The following ELMO1 variants were observed in gnomAD, a reference collection of about 807,000 sequenced individuals.
The protein encoded by ELMO1 is engulfment and cell motility 1.
A neutral mutation model predicts 98.9 loss-of-function variants in ELMO1; 26 were observed. The ratio of observed to expected loss-of-function variants is 0.26; its 90% CI spans 0.19 to 0.36. The LOEUF (loss-of-function observed/expected upper bound fraction) is 0.36, where lower values mean the gene tolerates loss of function less well. ELMO1 is among the 10% of genes least tolerant of loss of function. The probability of loss-of-function intolerance (pLI) is 1.00; values close to 1 mark genes in which losing one functional copy is unlikely to be tolerated. For synonymous variants in ELMO1, 346 were observed against 346.0 expected, an observed-to-expected ratio of 1.00 and a Z score of 0.00; for missense variants, 627 against 935.2, an observed-to-expected ratio of 0.67 and a Z score of 4.30.
intron 8 of ELMO1, among the ~76,000 whole-genome samples, chr7:37,230,760 G>A (rs951336786): frequency 1.3e-5 from 2 of 152,172 alleles, no homozygotes; most frequent in Admixed American, 1.3e-4. Context: ...TAAAATGTTT[G>A]TTAAGTATTA....
At chr7:37,127,618 A>C (rs1305368876) in intron 14 of ELMO1, among the ~76,000 whole-genome samples, 1 of 152,182 alleles carries the variant, frequency 6.6e-6, no homozygotes, top group Non-Finnish European at 1.5e-5. Flanking sequence ...CCAAACCCAC[A>C]CTAGGTATTC....
chr7:37,000,783 T>C (rs770250216), intron 16 of ELMO1, among the ~76,000 whole-genome samples: 7 of 152,068 alleles, frequency 4.6e-5, no homozygotes, highest in Non-Finnish European at 8.8e-5. Context: ...CTGATGTTAT[T>C]TTTCCCACTG....
chr7:37,002,145 T>C (rs1425707657), intron 16 of ELMO1: 1 of 152,008 alleles, frequency 6.6e-6, no homozygotes, highest in Non-Finnish European at 1.5e-5. Context: ...ATATATCTCA[T>C]TTTGGGACCT....
intron 15 of ELMO1, among the ~76,000 whole-genome samples, chr7:37,044,506 C>T (rs1416935808): frequency 6.6e-6 from 1 of 152,192 alleles, no homozygotes; most frequent in Non-Finnish European, 1.5e-5. Context: ...CACCATCTCA[C>T]TCGCCCAACA....
At chr7:37,140,382 T>A (rs1787553563) in intron 13 of ELMO1, among the ~76,000 whole-genome samples, 1 of 149,062 alleles carries the variant, frequency 6.7e-6, no homozygotes, top group African/African-American at 2.5e-5. Flanking sequence ...TGAGACTCCG[T>A]CTCAAAAAAA....
At chr7:37,121,517 G>C (rs1413284441) in intron 14 of ELMO1, among the ~76,000 whole-genome samples, 1 of 152,180 alleles carries the variant, frequency 6.6e-6, no homozygotes, top group Non-Finnish European at 1.5e-5. Context: ...CTGGAAGAAA[G>C]GGTATCAGCG....
intron 15 of ELMO1, among the ~76,000 whole-genome samples, chr7:37,021,844 A>G (rs2129179749): frequency 6.6e-6 from 1 of 152,322 alleles, no homozygotes; most frequent in Non-Finnish European, 1.5e-5. Flanking sequence ...AAAATGCCAA[A>G]TTTGGAAAAC....
chr7:36,907,262 T>G (rs1554353993), intron 16 of ELMO1, among the ~76,000 whole-genome samples: 1 of 152,170 alleles, frequency 6.6e-6, no homozygotes. Flanking sequence ...GATTAACTCT[T>G]ACTAACACAC....
chr7:37,255,022 C>T (rs1283229841), intron 6 of ELMO1, among the ~76,000 whole-genome samples: 1 of 152,170 alleles, frequency 6.6e-6, no homozygotes, highest in Non-Finnish European at 1.5e-5. Flanking sequence ...AGAATGTTGA[C>T]AAGGCACATA....
chr7:36,899,684 C>T lies in ELMO1; in HGVS notation c.1438-4667G>A, dbSNP rs200730146. Among the ~76,000 whole-genome samples the T allele has an allele frequency of 3.8e-3, 240 of 63,632 alleles. 2 individuals are homozygous for T. The highest frequency in any genetic ancestry group is 0.014 in the Middle Eastern group (1 of 70). The allele number at this position is 63,632 out of a possible 152,430, so 41.7% of individuals were successfully genotyped here. A position where few individuals can be genotyped will look rare whatever the true frequency, so the allele number is the denominator to read the frequency against. On this transcript the variant is annotated intron_variant, in intron 16 of 21. Transcript: ENST00000310758. Reference sequence around the variant, plus strand: ...ACTCATTTTTACTATCTTTACTCATCTTTTTTTTTTTTTTTTACCACTCCT... The same window carrying T: ...ACTCATTTTTACTATCTTTACTCATTTTTTTTTTTTTTTTTTACCACTCCT...
At chr7:36,984,372 T>C (rs1035118700) in intron 16 of ELMO1, among the ~76,000 whole-genome samples, 1 of 152,342 alleles carries the variant, frequency 6.6e-6, no homozygotes, top group East Asian at 1.9e-4. Context: ...CCTGATGCAT[T>C]GTCACCCGCA....
intron 17 of ELMO1, among the ~76,000 whole-genome samples, chr7:36,892,267 C>A (rs1021247886): frequency 6.6e-6 from 1 of 152,134 alleles, no homozygotes; most frequent in African/African-American, 2.4e-5. Flanking sequence ...GGTGGTCAGG[C>A]CCCAGCCAAG....
intron 16 of ELMO1, among the ~76,000 whole-genome samples, chr7:36,948,541 C>T (rs1322743644): frequency 1.3e-5 from 2 of 152,218 alleles, no homozygotes; most frequent in African/African-American, 2.4e-5. Context: ...GCTACTACCC[C>T]TCCACAGAGC....
At chr7:36,913,321 G>C (rs991272151) in intron 16 of ELMO1, among the ~76,000 whole-genome samples, 2 of 152,166 alleles carry the variant, frequency 1.3e-5, no homozygotes, top group South Asian at 4.1e-4. Flanking sequence ...TAGAGGAGAG[G>C]AATGTCAACA....
chr7:37,145,088 A>T (rs1396310839), intron 13 of ELMO1, among the ~76,000 whole-genome samples: 2 of 152,172 alleles, frequency 1.3e-5, no homozygotes, highest in Non-Finnish European at 2.9e-5. Context: ...AATTTCTTGG[A>T]GGACTTGTTA....
intron 16 of ELMO1, among the ~76,000 whole-genome samples, chr7:36,895,580 C>G (rs1805927732): frequency 6.6e-6 from 1 of 152,080 alleles, no homozygotes; most frequent in African/African-American, 2.4e-5. Context: ...CTCTTTGAGC[C>G]TGGCACTAAA....
chr7:37,366,761 C>T (rs1017994479), intron 1 of ELMO1, among the ~76,000 whole-genome samples: 1 of 152,164 alleles, frequency 6.6e-6, no homozygotes, highest in African/African-American at 2.4e-5. Context: ...TAGCATTCTC[C>T]GAACTCCTCT....
chr7:36,980,421 A>C (rs995379506), intron 16 of ELMO1, among the ~76,000 whole-genome samples: 4 of 152,234 alleles, frequency 2.6e-5, no homozygotes, highest in African/African-American at 9.6e-5. Flanking sequence ...ACGGATAGAT[A>C]GTTCAGAAGT....
intron 1 of ELMO1, among the ~76,000 whole-genome samples, chr7:37,413,738 C>T (rs543065780): frequency 6.3e-4 from 96 of 152,162 alleles, no homozygotes; most frequent in Admixed American, 1.3e-3. Flanking sequence ...AGTGCAGTGG[C>T]GTGATCTCAG....
Sources: gnomAD v4.1 joint callset for allele counts (sites outside exome capture counted in the v4.1 genomes callset) on GRCh38, gnomAD v4.1.1 for gene constraint, MANE v1.5 for transcripts, NCBI Gene and HGNC (gene_info 2026-07-23, HGNC 2026-07-21) for gene names.